The following TENM3 variants were observed in gnomAD, a reference collection of about 807,000 sequenced individuals.
TENM3 encodes the protein teneurin transmembrane protein 3.
In TENM3, 63 loss-of-function variants were observed where a neutral mutation model predicts 255.1. The ratio of observed to expected loss-of-function variants is 0.25; its 90% confidence interval spans 0.20 to 0.30. The LOEUF (loss-of-function observed/expected upper bound fraction) is 0.30, where lower values mean the gene tolerates loss of function less well. TENM3 is among the 10% of genes least tolerant of loss of function. TENM3 has a pLI of 1.00. For synonymous variants in TENM3, 1,306 were observed against 1,322.3 expected (o/e 0.99, Z 0.27); for missense variants, 2,929 against 3,461.1 (o/e 0.85, Z 3.86).
At chr4:182,234,533 G>C (rs1376876605) in intron 1 of TENM3, among the ~76,000 whole-genome samples, 1 of 152,152 alleles carries the variant, frequency 6.6e-6, no homozygotes, top group Non-Finnish European at 1.5e-5. Flanking sequence ...AGGAGTTCAA[G>C]ACCAGCTTGA....
chr4:182,099,493 T>A, the TENM3 span, among the ~76,000 whole-genome samples: 1 of 152,128 alleles, frequency 6.6e-6, no homozygotes, highest in Admixed American at 6.5e-5. Flanking sequence ...TAAGCAAGGA[T>A]TAGTTTTTAC....
chr4:182,715,085 T>C (rs1759049780), intron 13 of TENM3, among the ~76,000 whole-genome samples: 1 of 152,202 alleles, frequency 6.6e-6, no homozygotes, highest in South Asian at 2.1e-4. Context: ...GGTTTCTCCA[T>C]GTTGGTCAGG....
the TENM3 span, among the ~76,000 whole-genome samples, chr4:181,940,325 A>G: frequency 6.6e-6 from 1 of 152,218 alleles, no homozygotes; most frequent in African/African-American, 2.4e-5. Context: ...AACATACAAG[A>G]AAATACAGAT....
intron 5 of TENM3, among the ~76,000 whole-genome samples, chr4:182,636,959 A>G (rs1207141281): frequency 6.6e-6 from 1 of 152,168 alleles, no homozygotes; most frequent in Non-Finnish European, 1.5e-5. Context: ...CCTAATGACA[A>G]GTGGAAAGCT....
chr4:181,694,974 C>A, the TENM3 span, among the ~76,000 whole-genome samples: 1 of 144,602 alleles, frequency 6.9e-6, no homozygotes, highest in Non-Finnish European at 1.6e-5. Flanking sequence ...ACTCTTCAGT[C>A]CAACCTATAA....
chr4:181,883,126 C>CTTTTTTTTTTTTTTTT, the TENM3 span, among the ~76,000 whole-genome samples: 13 of 106,726 alleles, frequency 1.2e-4, no homozygotes, highest in African/African-American at 1.4e-4. Context: ...TGCAATTAAT[C>CTTTTTTTTTTTTTTTT]TTTTTTTTTT....
intron 3 of TENM3, among the ~76,000 whole-genome samples, chr4:182,596,128 G>A (rs1466816167): frequency 1.3e-5 from 2 of 152,206 alleles, no homozygotes; most frequent in Middle Eastern, 3.4e-3. Flanking sequence ...AGTACCAGAA[G>A]ATCCAAAAAA....
chr4:182,398,624 T>C (rs150178390), intron 3 of TENM3, among the ~76,000 whole-genome samples: 1 of 152,278 alleles, frequency 6.6e-6, no homozygotes, highest in East Asian at 1.9e-4. Context: ...ATCTACATAC[T>C]TGATTGGCAG....
At chr4:181,872,701 A>G in the TENM3 span, among the ~76,000 whole-genome samples, 1 of 151,930 alleles carries the variant, frequency 6.6e-6, no homozygotes, top group African/African-American at 2.4e-5. Flanking sequence ...TTTCTTGATC[A>G]GTCTTGCTGG....
the TENM3 span, among the ~76,000 whole-genome samples, chr4:182,043,237 T>G: frequency 6.6e-6 from 1 of 152,202 alleles, no homozygotes; most frequent in African/African-American, 2.4e-5. Flanking sequence ...CTAGCTATGT[T>G]ACGTGCCATC....
the TENM3 span, among the ~76,000 whole-genome samples, chr4:182,062,404 T>A: frequency 6.6e-6 from 1 of 152,198 alleles, no homozygotes; most frequent in African/African-American, 2.4e-5. Flanking sequence ...AGCGATAAAA[T>A]CCATCAATGC....
At chr4:182,071,862 G>C in the TENM3 span, among the ~76,000 whole-genome samples, 1 of 151,906 alleles carries the variant, frequency 6.6e-6, no homozygotes, top group Non-Finnish European at 1.5e-5. Context: ...GTACTTCAGG[G>C]CCTTTTAAAT....
chr4:181,841,904 A>T, the TENM3 span, among the ~76,000 whole-genome samples: 1 of 152,154 alleles, frequency 6.6e-6, no homozygotes, highest in Non-Finnish European at 1.5e-5. Flanking sequence ...GAGCCTATTA[A>T]CTGTTGAAAC....
chr4:181,713,748 T>C, the TENM3 span, among the ~76,000 whole-genome samples: 2 of 152,130 alleles, frequency 1.3e-5, no homozygotes, highest in African/African-American at 4.8e-5. Context: ...TTCCCTAACA[T>C]CAAAATACAT....
At chr4:181,630,059 G>C in the TENM3 span, among the ~76,000 whole-genome samples, 1 of 152,180 alleles carries the variant, frequency 6.6e-6, no homozygotes, top group South Asian at 2.1e-4. Flanking sequence ...TCCTGGTTTA[G>C]TCTTTGGAGG....
the TENM3 span, among the ~76,000 whole-genome samples, chr4:182,043,462 A>G: frequency 1.3e-5 from 2 of 152,158 alleles, no homozygotes; most frequent in Non-Finnish European, 2.9e-5. Flanking sequence ...TGTGCATGCA[A>G]TATACATGTA....
At chr4:182,750,467 T>C (rs191483939) in intron 19 of TENM3, among the ~76,000 whole-genome samples, 1 of 152,188 alleles carries the variant, frequency 6.6e-6, no homozygotes, top group South Asian at 2.1e-4. Flanking sequence ...TGAGAAACAC[T>C]TAAACAATTT....
Position 182,791,862 on chromosome 4 carries a change from G to A in TENM3, c.5602-412G>A, listed in dbSNP as rs150657266. Among the ~76,000 whole-genome samples the A allele has an allele frequency of 4.6e-3, 701 of 152,176 alleles. 6 individuals are homozygous for A. The highest frequency in any genetic ancestry group is 0.015 in the African/African-American group (611 of 41,498). ...GTGGTTCTTCACTCAGATGAGGGGG[G>A]GAAAGCCACCTTACTAAATAATTGC... On this transcript the variant is annotated intron_variant, in intron 25 of 27. Transcript: ENST00000511685.
At chr4:181,467,060 A>AGTGT in the TENM3 span, among the ~76,000 whole-genome samples, 3 of 88,874 alleles carry the variant, frequency 3.4e-5, no homozygotes, top group African/African-American at 1.6e-4. Context: ...ATATTTTACT[A>AGTGT]GTGTGTGTGT....
Sources: allele counts gnomAD v4.1 joint callset (sites outside exome capture counted in the v4.1 genomes callset), GRCh38; gene constraint gnomAD v4.1.1; transcripts MANE v1.5; gene names NCBI Gene and HGNC (gene_info 2026-07-23, HGNC 2026-07-21).